Variants in PRLR observed in about 807,000 individuals in gnomAD.
The protein encoded by PRLR is hPRL receptor.
In PRLR, 13 loss-of-function variants were observed where a neutral mutation model predicts 40.2. The observed-to-expected ratio is 0.32, with a 90% CI of 0.21 to 0.51. PRLR has a LOEUF of 0.51. Among genes scored for constraint, PRLR ranks in the 20% least tolerant of loss-of-function variants. The pLI, the probability that PRLR is intolerant of heterozygous loss-of-function variation, is 0.97. For missense variants in PRLR, 656 were observed against 747.3 expected, an observed-to-expected ratio of 0.88 and a Z score of 1.42; for synonymous variants, 269 against 278.7, an observed-to-expected ratio of 0.97 and a Z score of 0.35.
chr5:35,126,972 C>T (rs1380562031), intron 1 of PRLR, among the ~76,000 whole-genome samples: 3 of 152,158 alleles, frequency 2.0e-5, no homozygotes, highest in East Asian at 3.9e-4. Flanking sequence ...AGCCTTCAGT[C>T]GGCCTCTACT....
Position 35,072,654 on chromosome 5 carries a change from G to A in PRLR, c.464C>T (p.Thr155Ile), listed in dbSNP as rs751900773. The change falls in exon 6 of 10, where the codon ACC becomes ATC. Residue 155 changes from threonine to isoleucine, a missense_variant. Thr to Ile is a moderately conservative substitution (Grantham distance 89). Around this residue, in one of 3 missense-constraint regions of PRLR, gnomAD observed 180 missense variants for 236.8 expected, o/e 0.76. Coordinates refer to ENST00000618457, the MANE Select transcript of PRLR (RefSeq NM_000949.7). ...PYLWIKWSPP[T>I]LIDLKTGWFT... ...CCAACCAGTTTTTAAGTCAATCAGGGTAGGTGGAGACCATTTAATCCACAG... is the reference window on the plus strand; with the variant it reads ...CCAACCAGTTTTTAAGTCAATCAGGATAGGTGGAGACCATTTAATCCACAG... 6.2e-7 allele frequency: 1 copy of A among 1,614,122 alleles called. No homozygotes were observed. The highest frequency in any genetic ancestry group is 8.5e-7 in the Non-Finnish European group (1 of 1,180,006).
At chr5:35,177,546 A>G (rs1775183587) in intron 1 of PRLR, among the ~76,000 whole-genome samples, 1 of 152,244 alleles carries the variant, frequency 6.6e-6, no homozygotes, top group Non-Finnish European at 1.5e-5. Context: ...CATATCATAC[A>G]CATGGAATCA....
At chr5:35,131,267 T>G (rs1773661104) in intron 1 of PRLR, among the ~76,000 whole-genome samples, 2 of 152,172 alleles carry the variant, frequency 1.3e-5, no homozygotes, top group South Asian at 4.1e-4. Flanking sequence ...ACACAGCACA[T>G]GTTTTATTCT....
At chr5:35,133,358 G>A (rs1481999625) in intron 1 of PRLR, among the ~76,000 whole-genome samples, 2 of 152,052 alleles carry the variant, frequency 1.3e-5, no homozygotes, top group African/African-American at 4.8e-5. Context: ...GCTTCTCTGG[G>A]GAATGTTGAC....
intron 2 of PRLR, among the ~76,000 whole-genome samples, chr5:35,112,829 CT>C (rs944062387): frequency 1.5e-4 from 23 of 152,078 alleles, no homozygotes; most frequent in Admixed American, 1.1e-3. Context: ...TATATTCATT[CT>C]TTTTTTCCCC....
chr5:35,198,108 G>A (rs944580490), intron 1 of PRLR, among the ~76,000 whole-genome samples: 2 of 152,198 alleles, frequency 1.3e-5, no homozygotes, highest in African/African-American at 4.8e-5. Flanking sequence ...AGCATCCTGG[G>A]CAGCTCCGTT....
chr5:35,050,003 G>A (rs957565774), intron 8 of PRLR, among the ~76,000 whole-genome samples: 4 of 150,874 alleles, frequency 2.7e-5, no homozygotes, highest in Non-Finnish European at 4.4e-5. Flanking sequence ...CGCCTCCCAG[G>A]TTCAAGCAAT....
At chr5:35,207,496 A>G (rs560942458) in intron 1 of PRLR, among the ~76,000 whole-genome samples, 2 of 152,248 alleles carry the variant, frequency 1.3e-5, no homozygotes, top group South Asian at 4.2e-4. Context: ...AAAAAGAAGT[A>G]TAAAAGAATT....
chr5:35,138,434 G>T (rs903919729), intron 1 of PRLR, among the ~76,000 whole-genome samples: 40 of 152,154 alleles, frequency 2.6e-4, no homozygotes, highest in African/African-American at 7.7e-4. Flanking sequence ...CAGTCAGGAA[G>T]TTTTTTATTT....
intron 2 of PRLR, among the ~76,000 whole-genome samples, chr5:35,111,457 C>G (rs1772654547): frequency 6.6e-6 from 1 of 152,054 alleles, no homozygotes; most frequent in African/African-American, 2.4e-5. Context: ...ATTTTAAAAG[C>G]CGTAAGAATG....
At position 35,063,742 on chromosome 5, in the gene PRLR, T is replaced by TTA. The variant is rs1491553062; in HGVS notation, c.*1346_*1347insTA. On this transcript the variant is annotated 3_prime_UTR_variant, in exon 10 of 10. Transcript: ENST00000618457. ...TTCTCACAAAAGCAAAACCTCTCTC[T>TTA]TTTAAACAGCTGTTAGAAATCGTCG... The TTA allele has an allele frequency of 1.3e-5, 2 of 151,718 alleles. No homozygotes were observed. The highest frequency in any genetic ancestry group is 1.3e-4 in the Admixed American group (2 of 15,276). The allele number at this position is 151,718 out of a possible 1,614,324, so 9.4% of individuals were successfully genotyped here.
intron 1 of PRLR, among the ~76,000 whole-genome samples, chr5:35,126,816 C>G (rs1773484917): frequency 6.6e-6 from 1 of 152,160 alleles, no homozygotes. Flanking sequence ...GATTGGACAT[C>G]TGGTACGTGC....
chr5:35,205,780 C>T (rs1776001240), intron 1 of PRLR, among the ~76,000 whole-genome samples: 1 of 152,312 alleles, frequency 6.6e-6, no homozygotes, highest in East Asian at 1.9e-4. Context: ...CAGAAAACTA[C>T]ATCAGTAGCA....
At chr5:35,152,510 A>T (rs1030765178) in intron 1 of PRLR, among the ~76,000 whole-genome samples, 6 of 152,146 alleles carry the variant, frequency 3.9e-5, no homozygotes, top group African/African-American at 1.4e-4. Context: ...GATTGCCAAT[A>T]CTGTACACAA....
At chr5:35,053,526 G>T (rs1435049529), downstream of PRLR, among the ~76,000 whole-genome samples, 1 of 152,146 alleles carries the variant, frequency 6.6e-6, no homozygotes, top group Non-Finnish European at 1.5e-5. Context: ...GGTGGTGTGG[G>T]CCTGTAATCC....
At chr5:35,116,307 T>G (rs933452836) in intron 2 of PRLR, among the ~76,000 whole-genome samples, 3 of 152,202 alleles carry the variant, frequency 2.0e-5, no homozygotes, top group African/African-American at 7.2e-5. Flanking sequence ...TTATACTATT[T>G]GGTTAATTTT....
intron 1 of PRLR, among the ~76,000 whole-genome samples, chr5:35,196,186 C>G (rs999488921): frequency 2.4e-4 from 36 of 152,244 alleles, no homozygotes; most frequent in Admixed American, 2.1e-3. Context: ...CTGTACTAAA[C>G]CTGCACTCCA....
At chr5:35,132,401 A>G (rs1773718469) in intron 1 of PRLR, among the ~76,000 whole-genome samples, 1 of 152,168 alleles carries the variant, frequency 6.6e-6, no homozygotes, top group Non-Finnish European at 1.5e-5. Context: ...ATCTGGATAT[A>G]TATTATTTTA....
intron 1 of PRLR, among the ~76,000 whole-genome samples, chr5:35,187,006 C>T (rs889573436): frequency 2.6e-5 from 4 of 152,078 alleles, no homozygotes; most frequent in East Asian, 1.9e-4. Context: ...TACCAGGAAG[C>T]GCACCAAACC....
Sources: gnomAD v4.1 joint callset for allele counts (sites outside exome capture counted in the v4.1 genomes callset) on GRCh38, gnomAD v4.1.1 for gene constraint, gnomAD v4.1.1 regional missense constraint, MANE v1.5 for transcripts, NCBI Gene and HGNC (gene_info 2026-07-23, HGNC 2026-07-21) for gene names.